CTTNBP2: variants seen among roughly 807,000 people sequenced by gnomAD.
CTTNBP2 encodes the protein cortactin-binding protein 2.
A neutral mutation model predicts 156.9 loss-of-function variants in CTTNBP2; 108 were observed. The ratio of observed to expected loss-of-function variants is 0.69; its 90% confidence interval spans 0.59 to 0.81. CTTNBP2 has a LOEUF of 0.81. CTTNBP2 is among the 30% of genes least tolerant of loss of function. CTTNBP2 has a pLI of 0.00. For missense variants in CTTNBP2, 1,924 were observed against 2,035.4 expected (o/e 0.95, Z 1.05); for synonymous variants, 767 against 751.8 (o/e 1.02, Z -0.33).
intron 2 of CTTNBP2, among the ~76,000 whole-genome samples, chr7:117,837,195 A>C (rs927505480): frequency 1.3e-5 from 2 of 152,332 alleles, no homozygotes; most frequent in South Asian, 2.1e-4. Context: ...GAGCCAATAT[A>C]TCTCTTAGGA....
chr7:117,750,367 G>C (rs1435526549), intron 12 of CTTNBP2, among the ~76,000 whole-genome samples: 1 of 152,096 alleles, frequency 6.6e-6, no homozygotes, highest in Admixed American at 6.5e-5. Context: ...TCATTGAAAA[G>C]GCCATTCACT....
In CTTNBP2 at chr7:117,760,607, G is replaced by A; in HGVS notation, c.3000C>T (p.Ile1000=). The change falls in exon 10 of 23, where the codon ATC becomes ATT. Residue 1000 remains isoleucine, a synonymous_variant. Transcript: ENST00000160373. ...AATCATCCCATGATGTCTGTTTGCG[G>A]ATATTTAAAGCACATATTGTGTTTT... ...ECENTICALN[I]RKQTSWDDFS... 1 of 1,614,078 alleles carries A rather than the reference G, an allele frequency of 6.2e-7. No individual in the cohort carries two copies. The highest frequency in any genetic ancestry group is 8.5e-7 in the Non-Finnish European group (1 of 1,179,984).
chr7:117,817,298 C>G (rs1275000949), intron 2 of CTTNBP2, among the ~76,000 whole-genome samples: 2 of 134,624 alleles, frequency 1.5e-5, no homozygotes, highest in African/African-American at 5.5e-5. Context: ...TGTGCCACTG[C>G]ACTCCAGCCT....
At chr7:117,808,750 TTACTC>T (rs1253905232) in intron 3 of CTTNBP2, among the ~76,000 whole-genome samples, 2 of 152,178 alleles carry the variant, frequency 1.3e-5, no homozygotes, top group Admixed American at 6.5e-5. Flanking sequence ...AAGCTGCAAT[TTACTC>T]TACATGCGAG....
rs545451319 is a variant in CTTNBP2, at chr7:117,727,670, T to C, written c.4055+419A>G. 3.7e-4 allele frequency among the ~76,000 whole-genome samples: 57 copies of C among 152,338 alleles called. No homozygotes were observed. The South Asian group carries it at 0.012, about 31-fold the overall frequency. Reference sequence around the variant, plus strand: ...TATTTCATTAACCTTATTGTATATATGTCTGTTCTCATAAGATGCTTCAAA... The same window carrying C: ...TATTTCATTAACCTTATTGTATATACGTCTGTTCTCATAAGATGCTTCAAA... On this transcript the variant is annotated intron_variant, in intron 17 of 22. Coordinates refer to ENST00000160373, the MANE Select transcript of CTTNBP2 (RefSeq NM_033427.3).
chr7:117,779,297 GA>G (rs942769992), intron 7 of CTTNBP2, among the ~76,000 whole-genome samples: 1 of 151,900 alleles, frequency 6.6e-6, no homozygotes, highest in African/African-American at 2.4e-5. Flanking sequence ...ACCACTTCTG[GA>G]AAAAAAATTT....
At chr7:117,800,190 T>G (rs1799535475) in intron 3 of CTTNBP2, among the ~76,000 whole-genome samples, 1 of 151,986 alleles carries the variant, frequency 6.6e-6, no homozygotes, top group Admixed American at 6.6e-5. Context: ...GCCAAACAAT[T>G]TAGATAAAGC....
intron 1 of CTTNBP2, among the ~76,000 whole-genome samples, chr7:117,863,226 CT>C (rs1254917909): frequency 6.6e-6 from 1 of 152,184 alleles, no homozygotes; most frequent in Non-Finnish European, 1.5e-5. Flanking sequence ...AAAATTATTT[CT>C]TTTTGCATAT....
Position 117,711,403 on chromosome 7 carries a change from T to C in CTTNBP2, c.*134A>G. 2.1e-6 allele frequency: 2 copies of C among 938,862 alleles called. No individual in the cohort carries two copies. Among genetic ancestry groups the C allele is most frequent in the Non-Finnish European group, 3.0e-6 (2 of 665,610 alleles). The allele number at this position is 938,862 out of a possible 1,614,324, so 58.2% of individuals were successfully genotyped here. A position where few individuals can be genotyped will look rare whatever the true frequency, so the allele number is the denominator to read the frequency against. Reference sequence around the variant, plus strand: ...TAAATACATTCTTTACAAAAAAAAATTGAATAGTGGTCCCGCACTCATAAT... The same window carrying C: ...TAAATACATTCTTTACAAAAAAAAACTGAATAGTGGTCCCGCACTCATAAT... On this transcript the variant is annotated 3_prime_UTR_variant, in exon 23 of 23. Transcript: ENST00000160373.
chr7:117,854,957 G>A (rs1362622811), intron 2 of CTTNBP2, among the ~76,000 whole-genome samples: 1 of 151,998 alleles, frequency 6.6e-6, no homozygotes, highest in African/African-American at 2.4e-5. Context: ...GCTAATTTTT[G>A]TACTTTTAGT....
chr7:117,824,253 G>T (rs1801148167), intron 2 of CTTNBP2, among the ~76,000 whole-genome samples: 2 of 150,278 alleles, frequency 1.3e-5, no homozygotes, highest in Admixed American at 6.6e-5. Flanking sequence ...ATTATTCTTG[G>T]CATCAGCTGG....
At chr7:117,722,069 T>C (rs1218112274) in intron 19 of CTTNBP2, among the ~76,000 whole-genome samples, 2 of 152,258 alleles carry the variant, frequency 1.3e-5, no homozygotes, top group Non-Finnish European at 2.9e-5. Flanking sequence ...TCTGTCATTA[T>C]TGTCCAAAGC....
intron 8 of CTTNBP2, 31 bp downstream of exon 8, chr7:117,777,480 G>T: frequency 6.3e-7 from 1 of 1,596,956 alleles, no homozygotes; most frequent in Non-Finnish European, 8.5e-7. Flanking sequence ...AATTACAGCT[G>T]CATGATGAGG....
At chr7:117,804,003 C>A (rs890913726) in intron 3 of CTTNBP2, among the ~76,000 whole-genome samples, 7 of 152,030 alleles carry the variant, frequency 4.6e-5, no homozygotes, top group Admixed American at 4.6e-4. Flanking sequence ...CTCGCTGTTG[C>A]CCAGGCCAGA....
chr7:117,755,551 C>CCT, intron 12 of CTTNBP2: 1 of 470,320 alleles, frequency 2.1e-6, no homozygotes, highest in Non-Finnish European at 4.4e-6. Context: ...GAGCATTTTA[C>CCT]CTCTCTCTGT....
chr7:117,846,086 C>T (rs1042073579), intron 2 of CTTNBP2, among the ~76,000 whole-genome samples: 6 of 151,974 alleles, frequency 3.9e-5, no homozygotes, highest in Middle Eastern at 3.4e-3. Flanking sequence ...CTCCTGACCT[C>T]GTGATCCGCC....
At chr7:117,712,041 C>G (rs759427814) in intron 22 of CTTNBP2, among the ~76,000 whole-genome samples, 11 of 152,280 alleles carry the variant, frequency 7.2e-5, no homozygotes, top group East Asian at 5.8e-4. Flanking sequence ...GCGTCGATCT[C>G]CTTACCAACA....
chr7:117,727,825 G>A (rs181355955), intron 17 of CTTNBP2, among the ~76,000 whole-genome samples: 2 of 152,294 alleles, frequency 1.3e-5, no homozygotes, highest in African/African-American at 4.8e-5. Flanking sequence ...CCTCACTCAG[G>A]AGACTCTGCA....
intron 2 of CTTNBP2, among the ~76,000 whole-genome samples, chr7:117,858,150 C>T (rs959128890): frequency 6.6e-6 from 1 of 152,224 alleles, no homozygotes; most frequent in Non-Finnish European, 1.5e-5. Flanking sequence ...GCGGGCAGAT[C>T]ACGAGGTCAG....
Sources: gnomAD v4.1 joint callset for allele counts (sites outside exome capture counted in the v4.1 genomes callset) on GRCh38, gnomAD v4.1.1 for gene constraint, MANE v1.5 for transcripts, NCBI Gene and HGNC (gene_info 2026-07-23, HGNC 2026-07-21) for gene names.